The following ZFR variants were observed in gnomAD, a reference collection of about 807,000 sequenced individuals.
ZFR encodes the protein zinc finger RNA-binding protein.
In ZFR, 19 loss-of-function variants were observed where a neutral mutation model predicts 130.7. That is an observed-to-expected ratio of 0.15 (90% CI 0.10 to 0.21). The LOEUF is 0.21. Among genes scored for constraint, ZFR ranks in the 10% least tolerant of loss-of-function variants. The probability of loss-of-function intolerance (pLI) is 1.00; values close to 1 mark genes in which losing one functional copy is unlikely to be tolerated. For missense variants in ZFR, 872 were observed against 1,321.5 expected, an observed-to-expected ratio of 0.66 and a Z score of 5.27; for synonymous variants, 466 against 456.9, an observed-to-expected ratio of 1.02 and a Z score of -0.25.
intron 9 of ZFR, 77 bp from the exon 10 acceptor site, chr5:32,397,415 T>C (rs1451398142): frequency 7.1e-6 from 11 of 1,544,894 alleles, no homozygotes; most frequent in African/African-American, 1.4e-5. Flanking sequence ...TATTATTTGA[T>C]GAAGTTGTAC....
intron 8 of ZFR, among the ~76,000 whole-genome samples, chr5:32,402,688 G>A (rs1295626149): frequency 6.6e-6 from 1 of 151,446 alleles, no homozygotes; most frequent in African/African-American, 2.4e-5. Flanking sequence ...TGAGGTGGGC[G>A]GATCGCTTGA....
chr5:32,425,468 C>G (rs192786874), intron 2 of ZFR, among the ~76,000 whole-genome samples: 1 of 152,322 alleles, frequency 6.6e-6, no homozygotes, highest in East Asian at 1.9e-4. Context: ...AACAATGCCT[C>G]TCATCTCACT....
intron 2 of ZFR, among the ~76,000 whole-genome samples, chr5:32,421,573 A>G (rs912682896): frequency 6.6e-6 from 1 of 151,636 alleles, no homozygotes; most frequent in Non-Finnish European, 1.5e-5. Flanking sequence ...AGGGGAGGAC[A>G]CCTGGAGAAA....
Position 32,416,614 on chromosome 5 carries a change from C to CAACAAAAA in ZFR, c.565+1033_565+1034insTTTTTGTT, listed in dbSNP as rs1554073743. On this transcript the variant is annotated intron_variant, in intron 4 of 19. Coordinates refer to ENST00000265069, the MANE Select transcript of ZFR (RefSeq NM_016107.5). ...GGGCGACAAGAGTGAAACTCCGTCT[C>CAACAAAAA]AAAAAAAAAAAAAAGAGAAGAGACC... 7.5e-5 allele frequency among the ~76,000 whole-genome samples: 10 copies of CAACAAAAA among 132,794 alleles called. 1 individual carries two copies. The highest frequency in any genetic ancestry group is 1.4e-4 in the Non-Finnish European group (9 of 63,810). 87.1% of individuals were successfully genotyped at this position (132,794 alleles called of 152,430 possible).
chr5:32,355,694 T>G lies in ZFR; in HGVS notation c.*66A>C. The G allele has an allele frequency of 7.1e-7, 1 of 1,399,680 alleles. No homozygotes were observed. Among genetic ancestry groups the G allele is most frequent in the Non-Finnish European group, 9.6e-7 (1 of 1,040,568 alleles). 86.7% of individuals were successfully genotyped at this position (1,399,680 alleles called of 1,614,324 possible). On this transcript the variant is annotated 3_prime_UTR_variant, in exon 20 of 20. Transcript: ENST00000265069. ...ATAAATTTTTCAATGTAGACATTAT[T>G]ATGAATGAAAAACAGCCAACAAATG...
At chr5:32,392,024 G>A (rs950764077) in intron 11 of ZFR, among the ~76,000 whole-genome samples, 8 of 152,112 alleles carry the variant, frequency 5.3e-5, no homozygotes, top group African/African-American at 1.4e-4. Context: ...GTGTGTCACC[G>A]TGCCCAGCCA....
chr5:32,361,203 T>C (rs1348881765), intron 19 of ZFR, among the ~76,000 whole-genome samples: 5 of 152,220 alleles, frequency 3.3e-5, no homozygotes, highest in Non-Finnish European at 5.9e-5. Context: ...GGTTTAGTCA[T>C]CCACATGGGA....
At chr5:32,367,172 G>A (rs1228009021) in intron 17 of ZFR, among the ~76,000 whole-genome samples, 6 of 152,078 alleles carry the variant, frequency 3.9e-5, no homozygotes, top group African/African-American at 7.2e-5. Flanking sequence ...GGTGGTTCAC[G>A]TCTGTAATCC....
intron 1 of ZFR, 146 bp downstream of exon 1, chr5:32,444,476 C>T (rs1168699274): frequency 7.6e-5 from 98 of 1,289,310 alleles, no homozygotes; most frequent in African/African-American, 9.5e-5. Flanking sequence ...GCCTCCCCCT[C>T]CCGCCTCGCA....
chr5:32,433,828 C>A (rs1217608618), intron 2 of ZFR, among the ~76,000 whole-genome samples: 1 of 152,172 alleles, frequency 6.6e-6, no homozygotes, highest in Non-Finnish European at 1.5e-5. Flanking sequence ...GGCCTGTAAT[C>A]CCTGCACTTT....
At chr5:32,426,918 A>AAG (rs61295094) in intron 2 of ZFR, among the ~76,000 whole-genome samples, 1 of 150,994 alleles carries the variant, frequency 6.6e-6, no homozygotes, top group African/African-American at 2.4e-5. Context: ...AAAAAAAAAA[A>AAG]GCATCCTAAT....
At chr5:32,377,781 G>C (rs898050247) in intron 17 of ZFR, among the ~76,000 whole-genome samples, 37 of 151,810 alleles carry the variant, frequency 2.4e-4, no homozygotes, top group African/African-American at 8.2e-4. Flanking sequence ...CCACCTCCCG[G>C]GTTCAAGTGA....
chr5:32,432,153 G>A (rs1280424520), intron 2 of ZFR, among the ~76,000 whole-genome samples: 2 of 152,134 alleles, frequency 1.3e-5, no homozygotes, highest in South Asian at 2.1e-4. Flanking sequence ...CACCAAACCC[G>A]GGTAATTGTT....
At chr5:32,367,891 G>A (rs1752581824) in intron 17 of ZFR, among the ~76,000 whole-genome samples, 1 of 152,092 alleles carries the variant, frequency 6.6e-6, no homozygotes, top group South Asian at 2.1e-4. Flanking sequence ...ATAAATTTAA[G>A]AAGCTAAAAA....
chr5:32,409,756 G>A (rs1753658200), intron 5 of ZFR, among the ~76,000 whole-genome samples: 1 of 152,144 alleles, frequency 6.6e-6, no homozygotes, highest in Admixed American at 6.5e-5. Flanking sequence ...CTGAACCGAT[G>A]GATACAGAGA....
intron 2 of ZFR, among the ~76,000 whole-genome samples, chr5:32,434,310 T>C (rs1754286123): frequency 6.6e-6 from 1 of 152,264 alleles, no homozygotes; most frequent in Non-Finnish European, 1.5e-5. Context: ...TTTCTGCTTA[T>C]ACAATTTCAA....
chr5:32,435,455 T>C (rs955679861), intron 2 of ZFR, among the ~76,000 whole-genome samples: 1 of 152,208 alleles, frequency 6.6e-6, no homozygotes, highest in Admixed American at 6.5e-5. Flanking sequence ...GATAACCAGA[T>C]ATTCTGATAG....
intron 16 of ZFR, 89 bp from the exon 17 acceptor site, chr5:32,379,299 A>G: frequency 9.1e-7 from 1 of 1,103,914 alleles, no homozygotes; most frequent in Non-Finnish European, 1.4e-6. Flanking sequence ...CCACCGTTCA[A>G]TGGAAGCTCA....
chr5:32,381,669 TA>T (rs1196876113), intron 15 of ZFR, among the ~76,000 whole-genome samples: 11 of 152,252 alleles, frequency 7.2e-5, no homozygotes, highest in African/African-American at 2.6e-4. Flanking sequence ...AGATGACATA[TA>T]AAAAACATAT....
Sources: gnomAD v4.1 joint callset for allele counts (sites outside exome capture counted in the v4.1 genomes callset) on GRCh38, gnomAD v4.1.1 for gene constraint, MANE v1.5 for transcripts, NCBI Gene and HGNC (gene_info 2026-07-23, HGNC 2026-07-21) for gene names.